RFX3: variants seen among roughly 807,000 people sequenced by gnomAD.
RFX3 encodes the protein regulatory factor X3, also known as transcription factor RFX3.
A neutral mutation model predicts 98.6 loss-of-function variants in RFX3; 14 were observed. The observed-to-expected ratio is 0.14, with a 90% CI of 0.09 to 0.22. RFX3 has a LOEUF of 0.22. Among genes scored for constraint, RFX3 ranks in the 10% least tolerant of loss-of-function variants. The probability of loss-of-function intolerance (pLI) is 1.00; values close to 1 mark genes in which losing one functional copy is unlikely to be tolerated. For synonymous variants in RFX3, 383 were observed against 328.4 expected, an observed-to-expected ratio of 1.17 and a Z score of -1.80; for missense variants, 639 against 926.9, an observed-to-expected ratio of 0.69 and a Z score of 4.03.
intron 4 of RFX3, among the ~76,000 whole-genome samples, chr9:3,316,187 T>G (rs1830568034): frequency 6.6e-6 from 1 of 152,126 alleles, no homozygotes; most frequent in Admixed American, 6.6e-5. Context: ...ACTATCAAGT[T>G]GGCTTCATCC....
chr9:3,390,827 T>C (rs1037612535), intron 2 of RFX3, among the ~76,000 whole-genome samples: 2 of 152,142 alleles, frequency 1.3e-5, no homozygotes, highest in African/African-American at 2.4e-5. Context: ...AAATGCTTTT[T>C]CCTGTATAAA....
chr9:3,491,574 C>G (rs1850719267), intron 1 of RFX3, among the ~76,000 whole-genome samples: 1 of 152,140 alleles, frequency 6.6e-6, no homozygotes, highest in African/African-American at 2.4e-5. Context: ...TTGCAAATAT[C>G]AAGTGAAAAT....
At chr9:3,393,079 G>T (rs1436579141) in intron 2 of RFX3, among the ~76,000 whole-genome samples, 1 of 151,948 alleles carries the variant, frequency 6.6e-6, no homozygotes, top group African/African-American at 2.4e-5. Context: ...GCCAGGGTGT[G>T]TGTGTGTTGT....
At chr9:3,241,007 A>G (rs555546734) in intron 15 of RFX3, among the ~76,000 whole-genome samples, 16 of 152,332 alleles carry the variant, frequency 1.1e-4, no homozygotes, top group African/African-American at 3.6e-4. Flanking sequence ...CTGTGTGCTG[A>G]GATTTCTTTC....
chr9:3,258,717 T>C (rs1179454838), intron 13 of RFX3, among the ~76,000 whole-genome samples: 1 of 151,936 alleles, frequency 6.6e-6, no homozygotes, highest in African/African-American at 2.4e-5. Context: ...ATACTTAAAA[T>C]GGCAACAGTA....
chr9:3,356,300 C>T (rs1835765808), intron 2 of RFX3, among the ~76,000 whole-genome samples: 2 of 151,522 alleles, frequency 1.3e-5, no homozygotes, highest in African/African-American at 4.8e-5. Flanking sequence ...AAAAAGAAGA[C>T]ACAAATTACA....
chr9:3,435,349 C>T (rs763048723), intron 1 of RFX3, among the ~76,000 whole-genome samples: 1 of 151,682 alleles, frequency 6.6e-6, no homozygotes, highest in African/African-American at 2.4e-5. Flanking sequence ...AAAATATTTT[C>T]TTTATATCCT....
At chr9:3,402,330 C>A (rs1321000211) in intron 1 of RFX3, among the ~76,000 whole-genome samples, 3 of 152,224 alleles carry the variant, frequency 2.0e-5, no homozygotes, top group South Asian at 4.1e-4. Flanking sequence ...AAAACAAAGA[C>A]CTGTAATTTA....
intron 1 of RFX3, among the ~76,000 whole-genome samples, chr9:3,510,330 C>A (rs1246502895): frequency 2.6e-5 from 4 of 151,514 alleles, no homozygotes; most frequent in African/African-American, 7.3e-5. Context: ...TTGCCCCCCC[C>A]AAAAAAAGCA....
chr9:3,393,829 G>C (rs1055637148), intron 2 of RFX3, among the ~76,000 whole-genome samples: 1 of 152,128 alleles, frequency 6.6e-6, no homozygotes, highest in African/African-American at 2.4e-5. Context: ...ACTCTAAAAG[G>C]AGAGAGGGTG....
In RFX3 at chr9:3,275,532, A is replaced by T. The variant is rs979380385; in HGVS notation, c.1054T>A (p.Ser352Thr). 2.5e-6 allele frequency: 4 copies of T among 1,610,174 alleles called. No homozygotes were observed. Among genetic ancestry groups the T allele is most frequent in the Non-Finnish European group, 2.5e-6 (3 of 1,176,730 alleles). The change falls in exon 9 of 17, where the codon TCA becomes ACA. Residue 352 changes from serine (S) to threonine (T), a missense_variant. By Grantham distance (58) the Ser-to-Thr change is moderately conservative (BLOSUM62 1). Coordinates refer to ENST00000617270, the MANE Select transcript of RFX3 (RefSeq NM_001282116.2). ...TGCTCTCTATAAAGACTCTGCAGTG[A>T]CTTGATATCCTCAAAGGTAGTACCA... is the stretch of plus-strand genomic sequence containing the variant. ...PDGTTFEDIKSLQSLYREHCE... is the reference protein window; with the variant it reads ...PDGTTFEDIKTLQSLYREHCE...
intron 1 of RFX3, among the ~76,000 whole-genome samples, chr9:3,462,482 G>T (rs1344544170): frequency 4.6e-5 from 7 of 151,934 alleles, no homozygotes; most frequent in Admixed American, 4.6e-4. Flanking sequence ...TCTAATATAA[G>T]AGGGCAAGGA....
chr9:3,363,093 C>G (rs1446836642), intron 2 of RFX3, among the ~76,000 whole-genome samples: 2 of 152,098 alleles, frequency 1.3e-5, no homozygotes, highest in Non-Finnish European at 2.9e-5. Context: ...CAGAGCCTAC[C>G]AATGCTAAGA....
At chr9:3,456,466 G>C (rs920641816) in intron 1 of RFX3, among the ~76,000 whole-genome samples, 6 of 151,948 alleles carry the variant, frequency 3.9e-5, no homozygotes, top group African/African-American at 1.5e-4. Flanking sequence ...ATTAGCTTTT[G>C]CTCCCAGCTT....
chr9:3,304,577 C>G (rs1051677245), intron 4 of RFX3, among the ~76,000 whole-genome samples: 6 of 152,108 alleles, frequency 3.9e-5, no homozygotes, highest in African/African-American at 1.4e-4. Flanking sequence ...TGGGAGGTAA[C>G]TGAATCATGG....
At chr9:3,261,113 A>G (rs1053922677) in intron 13 of RFX3, among the ~76,000 whole-genome samples, 1 of 152,016 alleles carries the variant, frequency 6.6e-6, no homozygotes, top group African/African-American at 2.4e-5. Context: ...TTAAAACAAC[A>G]GTAATGTTTT....
At chr9:3,452,761 T>G (rs902174372) in intron 1 of RFX3, among the ~76,000 whole-genome samples, 1 of 152,196 alleles carries the variant, frequency 6.6e-6, no homozygotes, top group Non-Finnish European at 1.5e-5. Context: ...ATTTAAAAAC[T>G]TATTATAAAA....
chr9:3,509,921 C>A (rs1465895089), intron 1 of RFX3, among the ~76,000 whole-genome samples: 1 of 151,860 alleles, frequency 6.6e-6, no homozygotes, highest in Non-Finnish European at 1.5e-5. Context: ...AGTTTTCTTA[C>A]CTATAAGAAG....
chr9:3,453,323 T>C (rs979612837), intron 1 of RFX3, among the ~76,000 whole-genome samples: 1 of 151,878 alleles, frequency 6.6e-6, no homozygotes, highest in African/African-American at 2.4e-5. Flanking sequence ...TACTTATCAC[T>C]AACTAACTAA....
Sources: gnomAD v4.1 joint callset for allele counts (sites outside exome capture counted in the v4.1 genomes callset) on GRCh38, gnomAD v4.1.1 for gene constraint, MANE v1.5 for transcripts, NCBI Gene and HGNC (gene_info 2026-07-23, HGNC 2026-07-21) for gene names.